The following CEP83 variants were observed in gnomAD, a reference collection of about 807,000 sequenced individuals.
CEP83 encodes the protein centrosomal protein 83, also known as centrosomal protein of 83 kDa.
A neutral mutation model predicts 101.9 loss-of-function variants in CEP83; 70 were observed. The observed-to-expected ratio is 0.69, with a 90% confidence interval of 0.57 to 0.84. The LOEUF is 0.84. Ranked by LOEUF, CEP83 falls within the 40% of genes least tolerant of loss-of-function variation. CEP83 has a pLI of 0.00. For synonymous variants in CEP83, 264 were observed against 267.9 expected (o/e 0.99, Z 0.14); for missense variants, 715 against 787.2 (o/e 0.91, Z 1.10).
the CEP83 span, among the ~76,000 whole-genome samples, chr12:94,269,413 G>T: frequency 1.3e-5 from 2 of 152,200 alleles, no homozygotes; most frequent in African/African-American, 4.8e-5. Context: ...TTCTCTAGCA[G>T]TTACCATTTT....
chr12:94,356,576 A>C (rs576396279), intron 11 of CEP83, among the ~76,000 whole-genome samples: 20 of 152,358 alleles, frequency 1.3e-4, no homozygotes, highest in African/African-American at 4.8e-4. Context: ...GTTCCCTGTT[A>C]GAATACATCC....
intron 4 of CEP83, among the ~76,000 whole-genome samples, chr12:94,408,372 G>A (rs1000702877): frequency 6.6e-6 from 1 of 152,038 alleles, no homozygotes; most frequent in East Asian, 1.9e-4. Context: ...TTTGATCTGA[G>A]CTTCCCAGCA....
intron 6 of CEP83, among the ~76,000 whole-genome samples, chr12:94,394,511 C>T (rs2062760800): frequency 6.6e-6 from 1 of 152,120 alleles, no homozygotes; most frequent in African/African-American, 2.4e-5. Context: ...AGACCTAAAA[C>T]CATAAAAACC....
chr12:94,294,050 G>A, the CEP83 span, among the ~76,000 whole-genome samples: 1 of 152,266 alleles, frequency 6.6e-6, no homozygotes, highest in East Asian at 1.9e-4. Flanking sequence ...GGAATCTGGA[G>A]GAGACACAAA....
downstream of CEP83, chr12:94,306,523 GT>G (rs912130739): frequency 9.2e-5 from 14 of 152,174 alleles, no homozygotes; most frequent in African/African-American, 3.4e-4. Flanking sequence ...ATACCACTGT[GT>G]TTTCCTTCTA....
chr12:94,324,778 A>G (rs7979054), intron 14 of CEP83, among the ~76,000 whole-genome samples: 86,009 of 151,946 alleles, frequency 0.57, 24,376 homozygotes, highest in Admixed American at 0.59. Context: ...TAACCTGGAC[A>G]ACTAAAACAT....
chr12:94,279,622 G>A, the CEP83 span: 2 of 1,614,196 alleles, frequency 1.2e-6, no homozygotes, highest in Non-Finnish European at 1.7e-6. Context: ...CTCTCCTTAT[G>A]GACTTCAGCT....
chr12:94,275,263 A>G, the CEP83 span, among the ~76,000 whole-genome samples: 1 of 152,238 alleles, frequency 6.6e-6, no homozygotes, highest in Non-Finnish European at 1.5e-5. Context: ...GAGAACAAGG[A>G]CTATGTCATA....
rs57747202 is a variant in CEP83 at position 94,376,213 on chromosome 12, A to G, written c.802-196T>C. Reference sequence around the variant, plus strand: ...AAGATAGTGTTCCAGGAAATATGCAACAAAGGCATCTAGACAAACAACATA... The same window carrying G: ...AAGATAGTGTTCCAGGAAATATGCAGCAAAGGCATCTAGACAAACAACATA... On this transcript the variant is annotated intron_variant, in intron 7 of 16. Transcript: ENST00000397809. Among the ~76,000 whole-genome samples, 7,479 of 152,254 alleles carry G rather than the reference A, an allele frequency of 0.049. 574 individuals are homozygous for G. The highest frequency in any genetic ancestry group is 0.17 in the African/African-American group (6,923 of 41,514).
At chr12:94,285,959 C>A in the CEP83 span, among the ~76,000 whole-genome samples, 2 of 152,254 alleles carry the variant, frequency 1.3e-5, no homozygotes, top group African/African-American at 4.8e-5. Flanking sequence ...ATGGGGCTAC[C>A]CACTGCCATT....
intron 2 of CEP83, among the ~76,000 whole-genome samples, chr12:94,431,032 A>G (rs1257144664): frequency 6.6e-6 from 1 of 152,228 alleles, no homozygotes; most frequent in African/African-American, 2.4e-5. Context: ...GTCATGATAT[A>G]ATAGTAAGAG....
At chr12:94,451,441 A>G (rs933403023) in intron 1 of CEP83, among the ~76,000 whole-genome samples, 2 of 151,100 alleles carry the variant, frequency 1.3e-5, no homozygotes, top group East Asian at 3.9e-4. Context: ...CAGCATATAT[A>G]AAGAACTCTT....
chr12:94,429,877 T>C (rs2065489258), intron 2 of CEP83, among the ~76,000 whole-genome samples: 1 of 152,122 alleles, frequency 6.6e-6, no homozygotes, highest in African/African-American at 2.4e-5. Flanking sequence ...AAAATGCAAG[T>C]GAAATGCATG....
intron 1 of CEP83, among the ~76,000 whole-genome samples, chr12:94,453,308 T>C (rs548192450): frequency 1.6e-4 from 25 of 152,294 alleles, no homozygotes; most frequent in African/African-American, 6.0e-4. Context: ...AAGAATTGTT[T>C]TCCTAGTTTT....
chr12:94,378,657 A>G (rs1366295115), intron 7 of CEP83, 134 bp downstream of exon 7: 20 of 941,940 alleles, frequency 2.1e-5, no homozygotes, highest in Non-Finnish European at 3.2e-5. Context: ...TAAAAGAATA[A>G]ATACTCTTGG....
chr12:94,454,947 T>A (rs2067552047), intron 1 of CEP83, among the ~76,000 whole-genome samples: 1 of 152,094 alleles, frequency 6.6e-6, no homozygotes. Context: ...GTCTGCAGCC[T>A]CACTCCTGAA....
the CEP83 span, chr12:94,279,641 T>C: frequency 6.2e-7 from 1 of 1,614,134 alleles, no homozygotes; most frequent in South Asian, 1.1e-5. Context: ...CTTAATGAAA[T>C]TGGTCTTGGT....
chr12:94,437,562 G>T (rs2066087194), intron 1 of CEP83, among the ~76,000 whole-genome samples: 2 of 152,220 alleles, frequency 1.3e-5, no homozygotes, highest in African/African-American at 4.8e-5. Context: ...CAAGCTAGAA[G>T]GAATTGGGTC....
At chr12:94,407,038 A>T (rs2137689809) in intron 4 of CEP83, among the ~76,000 whole-genome samples, 1 of 152,278 alleles carries the variant, frequency 6.6e-6, no homozygotes, top group East Asian at 1.9e-4. Context: ...CAGAAGAAAA[A>T]ATCAATCAAT....
Sources: allele counts gnomAD v4.1 joint callset (sites outside exome capture counted in the v4.1 genomes callset), GRCh38; gene constraint gnomAD v4.1.1; transcripts MANE v1.5; gene names NCBI Gene and HGNC (gene_info 2026-07-23, HGNC 2026-07-21).